The following SPG21 variants were observed in gnomAD, a reference collection of about 807,000 sequenced individuals.
SPG21 encodes the protein maspardin.
In SPG21, 26 loss-of-function variants were observed where a neutral mutation model predicts 38.9. The ratio of observed to expected loss-of-function variants is 0.67; its 90% CI spans 0.49 to 0.93. SPG21 has a LOEUF of 0.93. SPG21 is among the 40% of genes least tolerant of loss of function. The probability of loss-of-function intolerance (pLI) is 0.00; values close to 1 mark genes in which losing one functional copy is unlikely to be tolerated. For missense variants in SPG21, 333 were observed against 376.5 expected (o/e 0.88, Z 0.96); for synonymous variants, 136 against 128.9 (o/e 1.05, Z -0.37).
chr15:64,979,893 C>T (rs1250465031), intron 3 of SPG21, among the ~76,000 whole-genome samples: 2 of 149,864 alleles, frequency 1.3e-5, no homozygotes, highest in African/African-American at 4.9e-5. Flanking sequence ...GAGTGCCTTT[C>T]CCACACACCT....
chr15:64,963,516 G>A lies in SPG21; in HGVS notation c.*104C>T, dbSNP rs1171731160. ...TACTTCCCAGACACAGTGAGAACCG[G>A]TGAGCCTGACGAACCTGAAGGAAAA... On this transcript the variant is annotated 3_prime_UTR_variant, in exon 9 of 9. Transcript: ENST00000204566. 2.3e-6 allele frequency: 2 copies of A among 887,184 alleles called. No individual in the cohort carries two copies. Among genetic ancestry groups the A allele is most frequent in the African/African-American group, 1.6e-5 (1 of 61,288 alleles). 55.0% of individuals were successfully genotyped at this position (887,184 alleles called of 1,614,324 possible). A position where few individuals can be genotyped will look rare whatever the true frequency, so the allele number is the denominator to read the frequency against.
At chr15:64,967,497 C>T (rs548403919) in intron 7 of SPG21, among the ~76,000 whole-genome samples, 3 of 148,846 alleles carry the variant, frequency 2.0e-5, no homozygotes, top group East Asian at 2.0e-4. Flanking sequence ...TTTTTTGAGA[C>T]GAAGTCTCAC....
At chr15:64,971,991 T>C (rs190640051) in intron 5 of SPG21, among the ~76,000 whole-genome samples, 172 of 152,344 alleles carry the variant, frequency 1.1e-3, no homozygotes, top group Non-Finnish European at 2.0e-3. Context: ...CGGATTTCTA[T>C]ATATGATCTT....
intron 5 of SPG21, among the ~76,000 whole-genome samples, chr15:64,972,972 C>CT (rs911855997): frequency 5.3e-5 from 8 of 151,404 alleles, no homozygotes; most frequent in Non-Finnish European, 1.0e-4. Flanking sequence ...ACTCACTGGG[C>CT]TTTTTTTTTG....
chr15:64,970,228 A>C lies in SPG21; in HGVS notation c.453-6T>G. ...ATGCAGGCATCAGCCAAAAGCTGTA[A>C]AACACAAAGACCTTATAATTTAAAC... On this transcript the variant is annotated splice_region_variant and splice_polypyrimidine_tract_variant and intron_variant, in intron 5 of 8. Transcript: ENST00000204566. 6.2e-7 allele frequency: 1 copy of C among 1,606,868 alleles called. No homozygotes were observed. Among genetic ancestry groups the C allele is most frequent in the East Asian group, 2.2e-5 (1 of 44,856 alleles).
intron 7 of SPG21, 59 bp downstream of exon 7, chr15:64,969,196 G>T (rs1465024710): frequency 1.7e-6 from 2 of 1,164,684 alleles, no homozygotes; most frequent in South Asian, 1.2e-5. Flanking sequence ...TTTTATAGGA[G>T]ATCTTGACAT....
chr15:64,976,725 C>T lies in SPG21; in HGVS notation c.226-170G>A, dbSNP rs189728723. 4.8e-4 allele frequency among the ~76,000 whole-genome samples: 73 copies of T among 152,314 alleles called. No homozygotes were observed. The Middle Eastern group carries it at 0.01, about 21-fold the overall frequency. ...TCACTTTTTACTAAACTTCATATTT[C>T]ACATTTTTCTAACAGACCAAATTAA... On this transcript the variant is annotated intron_variant, in intron 3 of 8. Transcript: ENST00000204566.
In SPG21 at chr15:64,984,082, C is replaced by T. The variant is rs115242094; in HGVS notation, c.-24-489G>A. 3.9e-3 allele frequency among the ~76,000 whole-genome samples: 600 copies of T among 152,292 alleles called. 3 individuals carry two copies. The highest frequency in any genetic ancestry group is 0.014 in the African/African-American group (576 of 41,548). The stretch of plus-strand genomic sequence containing the variant: ...TACAGGCGTGAGCCACCATGCCCGG[C>T]CACCAGAAGAGCTCTTACAGAAATT... On this transcript the variant is annotated intron_variant, in intron 1 of 8. Transcript: ENST00000204566.
At chr15:64,976,617 T>A in intron 3 of SPG21, 62 bp from the exon 4 acceptor site, 1 of 1,308,936 alleles carries the variant, frequency 7.6e-7, no homozygotes, top group Non-Finnish European at 1.1e-6. Context: ...AACTCACGTA[T>A]TTGAAAAACT....
intron 4 of SPG21, among the ~76,000 whole-genome samples, chr15:64,975,651 A>C (rs1044323554): frequency 6.6e-6 from 1 of 152,152 alleles, no homozygotes; most frequent in African/African-American, 2.4e-5. Context: ...CAACACAAAA[A>C]CTTGTACATG....
chr15:64,980,775 T>C, intron 3 of SPG21, 89 bp downstream of exon 3: 1 of 1,285,140 alleles, frequency 7.8e-7, no homozygotes. Flanking sequence ...AAACAAACTG[T>C]GCCCATTACT....
chr15:64,964,241 C>T (rs1012071974), intron 8 of SPG21, among the ~76,000 whole-genome samples: 1 of 152,180 alleles, frequency 6.6e-6, no homozygotes, highest in Non-Finnish European at 1.5e-5. Flanking sequence ...CTTTGTTCCT[C>T]ACTCCCTGAG....
At chr15:64,970,027 C>T (rs996054595) in intron 6 of SPG21, 87 bp downstream of exon 6, 5 of 1,098,452 alleles carry the variant, frequency 4.6e-6, no homozygotes, top group African/African-American at 1.5e-5. Flanking sequence ...CTTACACATA[C>T]TTGTGAGACA....
At chr15:64,969,195 A>C (rs756732072) in intron 7 of SPG21, 60 bp downstream of exon 7, 13 of 1,143,474 alleles carry the variant, frequency 1.1e-5, no homozygotes, top group Non-Finnish European at 1.6e-5. Context: ...GTTTTATAGG[A>C]GATCTTGACA....
rs772074615 is a variant in SPG21 at position 64,963,740 on chromosome 15, T to A, written c.811-4A>T. On this transcript the variant is annotated splice_region_variant and splice_polypyrimidine_tract_variant and intron_variant, in intron 8 of 8. Coordinates refer to ENST00000204566, the MANE Select transcript of SPG21 (RefSeq NM_016630.7). The stretch of plus-strand genomic sequence containing the variant: ...CATGGAATTGCAGCAAATGTATCTG[T>A]TGAAATGCAGAATCATTATTTTATT... The A allele has an allele frequency of 2.5e-6, 4 of 1,610,648 alleles. No homozygotes were observed. In the African/African-American group the frequency reaches 5.3e-5, roughly 22 times the overall value.
chr15:64,970,314 C>A (rs1595869648), intron 5 of SPG21, 92 bp from the exon 6 acceptor site: 4 of 1,146,702 alleles, frequency 3.5e-6, no homozygotes, highest in Non-Finnish European at 3.9e-6. Context: ...AGCTTGGGAT[C>A]TAGAAATAAA....
chr15:64,986,732 CA>C (rs201937468), intron 1 of SPG21, among the ~76,000 whole-genome samples: 38 of 150,640 alleles, frequency 2.5e-4, no homozygotes, highest in African/African-American at 4.9e-4. Flanking sequence ...AAACAAAAAA[CA>C]AAAAAAAACT....
chr15:64,988,274 C>T (rs1218495150), intron 1 of SPG21, among the ~76,000 whole-genome samples: 2 of 152,130 alleles, frequency 1.3e-5, no homozygotes, highest in Non-Finnish European at 2.9e-5. Flanking sequence ...GACTATGCCC[C>T]TATCCCTCAT....
At chr15:64,980,578 A>T (rs1449594832) in intron 3 of SPG21, among the ~76,000 whole-genome samples, 1 of 152,056 alleles carries the variant, frequency 6.6e-6, no homozygotes, top group African/African-American at 2.4e-5. Flanking sequence ...CTCTACTAAA[A>T]ATACAAAAAA....
Sources: allele counts gnomAD v4.1 joint callset (sites outside exome capture counted in the v4.1 genomes callset), GRCh38; gene constraint gnomAD v4.1.1; transcripts MANE v1.5; gene names NCBI Gene and HGNC (gene_info 2026-07-23, HGNC 2026-07-21).